Variants in MINDY4 observed in about 807,000 individuals in gnomAD.
The protein encoded by MINDY4 is probable ubiquitin carboxyl-terminal hydrolase MINDY-4.
A neutral mutation model predicts 87.0 loss-of-function variants in MINDY4; 68 were observed. The observed-to-expected ratio is 0.78, with a 90% CI of 0.64 to 0.96. The LOEUF is 0.96. Ranked by LOEUF, MINDY4 falls within the 40% of genes least tolerant of loss-of-function variation. The probability of loss-of-function intolerance (pLI) is 0.00; values close to 1 mark genes in which losing one functional copy is unlikely to be tolerated. For missense variants in MINDY4, 919 were observed against 928.2 expected (o/e 0.99, Z 0.13); for synonymous variants, 379 against 363.2 (o/e 1.04, Z -0.50).
intron 1 of MINDY4, among the ~76,000 whole-genome samples, chr7:30,776,522 G>C (rs903376564): frequency 2.0e-5 from 3 of 152,026 alleles, no homozygotes; most frequent in African/African-American, 7.2e-5. Context: ...TACTATACTT[G>C]TTGTCTCTCC....
intron 4 of MINDY4, among the ~76,000 whole-genome samples, chr7:30,788,978 C>T (rs774607169): frequency 2.6e-5 from 4 of 152,194 alleles, no homozygotes; most frequent in Non-Finnish European, 5.9e-5. Flanking sequence ...GGGCCTTGGG[C>T]ACTAGTGGAG....
intron 5 of MINDY4, among the ~76,000 whole-genome samples, chr7:30,807,250 G>A (rs1315882179): frequency 6.6e-6 from 1 of 152,154 alleles, no homozygotes; most frequent in East Asian, 1.9e-4. Context: ...AGAAGCTGCT[G>A]TATGGAGGGC....
chr7:30,788,810 C>T (rs1054238556), intron 4 of MINDY4, among the ~76,000 whole-genome samples: 1 of 152,192 alleles, frequency 6.6e-6, no homozygotes, highest in Admixed American at 6.5e-5. Flanking sequence ...GGAATGCCTG[C>T]CGTGTCCCTC....
intron 5 of MINDY4, among the ~76,000 whole-genome samples, chr7:30,827,890 C>T (rs978072689): frequency 6.6e-6 from 1 of 152,222 alleles, no homozygotes; most frequent in Admixed American, 6.5e-5. Flanking sequence ...TTCAATGCCA[C>T]ACTCAAAAGA....
intron 16 of MINDY4, 101 bp from the exon 17 acceptor site, chr7:30,882,820 C>G: frequency 2.0e-6 from 2 of 984,936 alleles, no homozygotes; most frequent in Non-Finnish European, 3.2e-6. Context: ...GAGGAGGGGA[C>G]AGGGACTAGA....
rs755061779 is a variant in MINDY4, at chr7:30,882,340, G to A, written c.2131G>A (p.Glu711Lys). 3 of 1,603,346 alleles carry A rather than the reference G, an allele frequency of 1.9e-6. No homozygotes were observed. The highest frequency in any genetic ancestry group is 2.6e-6 in the Non-Finnish European group (3 of 1,172,012). ...CTACGATGGCCTGGCCAACCAGCAG[G>A]AGCAGATCCGGCTGACCATTGGTGC... ...YYYDGLANQQ[E>K]QIRLTIDTTQ... Residue 711 changes from glutamate (E) to lysine (K), a missense_variant, in exon 16 of 18, where the codon GAG becomes AAG. Transcript: ENST00000265299.
At chr7:30,884,309 C>T (rs952160570) in intron 17 of MINDY4, among the ~76,000 whole-genome samples, 6 of 152,204 alleles carry the variant, frequency 3.9e-5, no homozygotes, top group East Asian at 3.9e-4. Flanking sequence ...TCCATCCGTT[C>T]GTCCATCCAC....
chr7:30,785,125 C>G (rs543529687), intron 3 of MINDY4, among the ~76,000 whole-genome samples: 1 of 150,898 alleles, frequency 6.6e-6, no homozygotes, highest in South Asian at 2.1e-4. Flanking sequence ...GTGCCCAACA[C>G]AGTCTCAGAG....
At chr7:30,812,751 C>T (rs1235141787) in intron 5 of MINDY4, among the ~76,000 whole-genome samples, 1 of 152,106 alleles carries the variant, frequency 6.6e-6, no homozygotes, top group African/African-American at 2.4e-5. Context: ...ATTCCCACCC[C>T]CCTTTTCCAG....
intron 12 of MINDY4, among the ~76,000 whole-genome samples, chr7:30,856,116 T>C (rs575732788): frequency 6.6e-6 from 1 of 152,232 alleles, no homozygotes; most frequent in African/African-American, 2.4e-5. Context: ...CTGCCTCCCA[T>C]TGGAGTTCCT....
chr7:30,807,559 T>C (rs938243847), intron 5 of MINDY4, among the ~76,000 whole-genome samples: 1 of 152,088 alleles, frequency 6.6e-6, no homozygotes, highest in Non-Finnish European at 1.5e-5. Context: ...TGTTGTCTTA[T>C]GCCCAATTTC....
At chr7:30,815,853 G>T (rs1788131550) in intron 5 of MINDY4, among the ~76,000 whole-genome samples, 2 of 152,116 alleles carry the variant, frequency 1.3e-5, no homozygotes, top group Admixed American at 1.3e-4. Flanking sequence ...ACAAAGTCCT[G>T]GTGTGTGTCT....
chr7:30,832,445 G>A (rs1392134502), intron 6 of MINDY4, among the ~76,000 whole-genome samples: 2 of 152,178 alleles, frequency 1.3e-5, no homozygotes, highest in South Asian at 4.1e-4. Context: ...TTCCTCCAGA[G>A]AACATTCTCA....
In MINDY4 at chr7:30,791,401, A is replaced by G. The variant is rs770017395; in HGVS notation, c.900A>G (p.Pro300=). 3.1e-6 allele frequency: 5 copies of G among 1,614,050 alleles called. No homozygotes were observed. In the East Asian group the frequency reaches 6.7e-5, roughly 22 times the overall value. ...ATCTGCCCAGCAAACGGCTGCCCCC[A>G]TGGGACAGGGCCAGGCCGAGGGATC... ...PPHLPSKRLP[P]WDRARPRDPS... The change falls in exon 5 of 18, where the codon CCA becomes CCG. Residue 300 remains proline, a synonymous_variant. Transcript: ENST00000265299.
At chr7:30,874,885 C>T (rs537225499) in intron 14 of MINDY4, among the ~76,000 whole-genome samples, 8 of 152,242 alleles carry the variant, frequency 5.3e-5, no homozygotes, top group South Asian at 4.2e-4. Context: ...AAGATGTTAT[C>T]GTTGGGGGAA....
intron 5 of MINDY4, among the ~76,000 whole-genome samples, chr7:30,805,248 CAAG>C (rs760597721): frequency 1.6e-4 from 24 of 152,010 alleles, no homozygotes; most frequent in Non-Finnish European, 3.1e-4. Flanking sequence ...ACGAGGCAGT[CAAG>C]GAGGACTGTG....
intron 5 of MINDY4, among the ~76,000 whole-genome samples, chr7:30,799,917 G>A (rs1787597259): frequency 6.6e-6 from 1 of 152,190 alleles, no homozygotes. Context: ...GAGATGTGGA[G>A]CATGAATTGA....
chr7:30,793,641 G>A (rs956743789), intron 5 of MINDY4, among the ~76,000 whole-genome samples: 3 of 152,034 alleles, frequency 2.0e-5, no homozygotes, highest in Admixed American at 6.6e-5. Context: ...GGCTGGTTGT[G>A]AACTCCTGGG....
chr7:30,810,513 T>A (rs1787957508), intron 5 of MINDY4, among the ~76,000 whole-genome samples: 1 of 152,158 alleles, frequency 6.6e-6, no homozygotes, highest in South Asian at 2.1e-4. Flanking sequence ...ATACAAAAAA[T>A]TCTGTGTGTA....
Sources: gnomAD v4.1 joint callset for allele counts (sites outside exome capture counted in the v4.1 genomes callset) on GRCh38, gnomAD v4.1.1 for gene constraint, MANE v1.5 for transcripts, NCBI Gene and HGNC (gene_info 2026-07-23, HGNC 2026-07-21) for gene names.